ARPC2: variants seen among roughly 807,000 people sequenced by gnomAD.
ARPC2 encodes actin related protein 2/3 complex subunit 2.
Under a neutral mutation model 38.6 loss-of-function variants are expected in ARPC2, and 4 were observed. The ratio of observed to expected loss-of-function variants is 0.10; its 90% CI spans 0.05 to 0.24. The LOEUF is 0.24. Ranked by LOEUF, ARPC2 falls within the 10% of genes least tolerant of loss-of-function variation. ARPC2 has a pLI of 1.00. For synonymous variants in ARPC2, 125 were observed against 140.8 expected, an observed-to-expected ratio of 0.89 and a Z score of 0.79; for missense variants, 229 against 387.3, an observed-to-expected ratio of 0.59 and a Z score of 3.43.
chr2:218,236,303 C>T (rs1357677746), intron 5 of ARPC2: 2 of 152,132 alleles, frequency 1.3e-5, no homozygotes, highest in African/African-American at 4.8e-5. Context: ...AACTAGCAAA[C>T]CTCAGCTCTA....
rs1418824484 is a variant in ARPC2 at position 218,239,610 on chromosome 2, C to T, written c.549+126C>T. On this transcript the variant is annotated intron_variant, in intron 7 of 10. Coordinates refer to ENST00000315717, the MANE Select transcript of ARPC2 (RefSeq NM_152862.3). ...ATGTTAGAATTTTTTTTTTTTTTTT[C>T]GAGACGGAGTTTCTCTCTTGTTGCC... The T allele has an allele frequency of 2.0e-4, 120 of 603,658 alleles. No homozygotes were observed. In the African/African-American group the frequency reaches 2.2e-3, roughly 11 times the overall value. The allele number at this position is 603,658 out of a possible 1,614,324, so 37.4% of individuals were successfully genotyped here.
intron 3 of ARPC2, among the ~76,000 whole-genome samples, chr2:218,226,162 G>A (rs1689491251): frequency 6.6e-6 from 1 of 151,936 alleles, no homozygotes; most frequent in Non-Finnish European, 1.5e-5. Context: ...GCATGGTGGT[G>A]GGCACCTGTA....
At chr2:218,239,122 G>T in intron 6 of ARPC2, 1 of 567,420 alleles carries the variant, frequency 1.8e-6, no homozygotes. Context: ...GTATAGCCTG[G>T]ATAATCAGCA....
intron 2 of ARPC2, among the ~76,000 whole-genome samples, chr2:218,225,222 G>A (rs1252979426): frequency 6.6e-6 from 1 of 152,222 alleles, no homozygotes; most frequent in African/African-American, 2.4e-5. Flanking sequence ...AGCGTGATGA[G>A]AAAGCTAAAG....
intron 4 of ARPC2, chr2:218,233,909 A>G (rs1689704032): frequency 6.5e-6 from 1 of 154,744 alleles, no homozygotes; most frequent in African/African-American, 2.4e-5. Context: ...TCATGCCTAT[A>G]ATCCCAGCAC....
chr2:218,240,786 G>A (rs1338684222), intron 7 of ARPC2, among the ~76,000 whole-genome samples: 2 of 152,284 alleles, frequency 1.3e-5, no homozygotes, highest in South Asian at 4.1e-4. Flanking sequence ...CCAGCCACTT[G>A]GGAGGCTGAG....
At chr2:218,226,918 GTTCA>G (rs2106145884) in intron 3 of ARPC2, 12 of 445,232 alleles carry the variant, frequency 2.7e-5, no homozygotes, top group South Asian at 1.7e-4. Flanking sequence ...CTAGAGATGT[GTTCA>G]TCAAGTCAGA....
At chr2:218,221,318 T>C (rs1471369531) in intron 2 of ARPC2, among the ~76,000 whole-genome samples, 1 of 152,204 alleles carries the variant, frequency 6.6e-6, no homozygotes, top group African/African-American at 2.4e-5. Context: ...AGGAATAAAT[T>C]AAATCTTGCT....
chr2:218,246,171 C>T (rs1406439184), intron 8 of ARPC2, among the ~76,000 whole-genome samples: 11 of 150,302 alleles, frequency 7.3e-5, no homozygotes, highest in Non-Finnish European at 1.2e-4. Context: ...GAGCTGAGAT[C>T]GTGCCACTGG....
intron 2 of ARPC2, 100 bp from the exon 3 acceptor site, chr2:218,225,820 T>C (rs2106145168): frequency 9.2e-7 from 1 of 1,090,846 alleles, no homozygotes; most frequent in Admixed American, 1.8e-5. Context: ...TTATACAGAA[T>C]GGTCTGATCT....
At chr2:218,244,954 TAGAA>T (rs1689996029) in intron 7 of ARPC2, among the ~76,000 whole-genome samples, 1 of 152,224 alleles carries the variant, frequency 6.6e-6, no homozygotes, top group Admixed American at 6.5e-5. Flanking sequence ...GATTGGAACA[TAGAA>T]GGAAGGGCTT....
intron 8 of ARPC2, among the ~76,000 whole-genome samples, chr2:218,245,924 G>A (rs1315844106): frequency 6.6e-6 from 1 of 152,070 alleles, no homozygotes; most frequent in East Asian, 1.9e-4. Context: ...AAGGAGACAA[G>A]TACAGTTTTG....
At chr2:218,249,151 C>T (rs1240914095) in intron 8 of ARPC2, among the ~76,000 whole-genome samples, 2 of 152,146 alleles carry the variant, frequency 1.3e-5, no homozygotes, top group Non-Finnish European at 2.9e-5. Flanking sequence ...TGTTTTTCAT[C>T]GTGGGCTCCT....
intron 7 of ARPC2, among the ~76,000 whole-genome samples, chr2:218,240,852 C>T (rs1474476490): frequency 6.6e-6 from 1 of 151,580 alleles, no homozygotes; most frequent in Non-Finnish European, 1.5e-5. Flanking sequence ...AAGATTGCAC[C>T]ATTGCACTCC....
chr2:218,250,061 A>G lies in ARPC2; in HGVS notation c.878+140A>G. ...CAGCAGGGCTAAGTAGATAAACCAA[A>G]GGTGGGATTCCATGTTCTCACTGCC... On this transcript the variant is annotated intron_variant, in intron 10 of 10. Transcript: ENST00000315717. 1.5e-5 allele frequency: 10 copies of G among 674,642 alleles called. No homozygotes were observed. In the South Asian group the frequency reaches 1.7e-4, roughly 12 times the overall value. The allele number at this position is 674,642 out of a possible 1,614,324, so 41.8% of individuals were successfully genotyped here.
intron 4 of ARPC2, among the ~76,000 whole-genome samples, chr2:218,230,271 CTTTTCTTTTTTTTTTCTTTTTTTTT>C (rs1689599093): frequency 7.0e-6 from 1 of 142,522 alleles, no homozygotes; most frequent in Admixed American, 7.0e-5. Context: ...CGTGCCCAGC[CTTTTCTTTTTTTTTTCTTTTTTTTT>C]TTTTTTTTTT....
At chr2:218,219,380 CAG>C (rs1275093359) in intron 2 of ARPC2, among the ~76,000 whole-genome samples, 3 of 149,340 alleles carry the variant, frequency 2.0e-5, no homozygotes, top group Non-Finnish European at 3.0e-5. Flanking sequence ...TTTTCCGAGA[CAG>C]AGTCTCTCAC....
intron 2 of ARPC2, among the ~76,000 whole-genome samples, chr2:218,222,202 G>A (rs1689397998): frequency 6.6e-6 from 1 of 152,182 alleles, no homozygotes; most frequent in South Asian, 2.1e-4. Flanking sequence ...AGGAGGCGGA[G>A]GTTGCAGTGA....
chr2:218,247,550 G>T (rs1690070572), intron 8 of ARPC2, among the ~76,000 whole-genome samples: 1 of 151,150 alleles, frequency 6.6e-6, no homozygotes, highest in Non-Finnish European at 1.5e-5. Context: ...TGCAACCTCT[G>T]CTTCCCAGGC....
Sources: gnomAD v4.1 joint callset for allele counts (sites outside exome capture counted in the v4.1 genomes callset) on GRCh38, gnomAD v4.1.1 for gene constraint, MANE v1.5 for transcripts, NCBI Gene and HGNC (gene_info 2026-07-23, HGNC 2026-07-21) for gene names.